Variants in ALS2CL observed in about 807,000 individuals in gnomAD.
ALS2CL encodes ALS2 C-terminal-like protein.
A neutral mutation model predicts 127.9 loss-of-function variants in ALS2CL; 112 were observed. The observed-to-expected ratio is 0.88, with a 90% CI of 0.75 to 1.02. The LOEUF (loss-of-function observed/expected upper bound fraction) is 1.02. Among genes scored for constraint, ALS2CL ranks in the 50% least tolerant of loss-of-function variants. The pLI is 0.00. For synonymous variants in ALS2CL, 519 were observed against 527.6 expected, an observed-to-expected ratio of 0.98 and a Z score of 0.22; for missense variants, 1,174 against 1,236.7, an observed-to-expected ratio of 0.95 and a Z score of 0.76.
chr3:46,679,326 TG>T lies in ALS2CL; in HGVS notation c.1549-40del, dbSNP rs1699133904. 2.6e-6 allele frequency: 4 copies of T among 1,510,810 alleles called. No individual in the cohort carries two copies. In the Admixed American group the frequency reaches 7.8e-5, roughly 29 times the overall value. 93.6% of individuals were successfully genotyped at this position (1,510,810 alleles called of 1,614,324 possible). A position where few individuals can be genotyped will look rare whatever the true frequency, so the allele number is the denominator to read the frequency against. ...AGCCAGGGAGGGTAGAAAGGGTGGG[TG>T]AGGAAGGGCCAGGAAACTCAGGGTG... On this transcript the variant is annotated intron_variant, in intron 14 of 25. Coordinates refer to ENST00000318962, the MANE Select transcript of ALS2CL (RefSeq NM_147129.5).
chr3:46,686,934 T>C lies in ALS2CL; in HGVS notation c.534+49A>G, dbSNP rs1244236216. ...CTGAGCCCCCTGAGTCTGGGCCCTA[T>C]CCCTCCCTTCCCTCGGCTTCCCCAC... On this transcript the variant is annotated intron_variant, in intron 5 of 25. Coordinates refer to ENST00000318962, the MANE Select transcript of ALS2CL (RefSeq NM_147129.5). The surrounding 1 kb of genome is among the most constrained non-coding windows in gnomAD (Gnocchi z 4.3). The C allele has an allele frequency of 6.6e-7, 1 of 1,514,894 alleles. No homozygotes were observed. The highest frequency in any genetic ancestry group is 2.4e-5 in the East Asian group (1 of 42,404). The allele number at this position is 1,514,894 out of a possible 1,614,324, so 93.8% of individuals were successfully genotyped here. A position where few individuals can be genotyped will look rare whatever the true frequency, so the allele number is the denominator to read the frequency against.
chr3:46,685,584 C>G lies in ALS2CL; in HGVS notation c.727G>C (p.Val243Leu). 1 of 1,614,028 alleles carries G rather than the reference C, an allele frequency of 6.2e-7. No homozygotes were observed. The highest frequency in any genetic ancestry group is 8.5e-7 in the Non-Finnish European group (1 of 1,179,962). The change falls in exon 7 of 26, where the codon GTC (valine) becomes CTC (leucine). Residue 243 changes from valine (V) to leucine (L), a missense_variant. By Grantham distance (32) the Val-to-Leu change is conservative (BLOSUM62 1). Transcript: ENST00000318962. ...ACACGCTCAGCCCGCAACGGTGCGA[C>G]CGTCACGGGTACGTCCTGGCTGTCC... ...LQDSQDVPVTVAPLRAERVLL... is the reference protein window; with the variant it reads ...LQDSQDVPVTLAPLRAERVLL...
intron 6 of ALS2CL, 130 bp from the exon 7 acceptor site, chr3:46,685,774 T>A (rs1699719384): frequency 1.4e-5 from 18 of 1,317,214 alleles, no homozygotes; most frequent in Non-Finnish European, 1.8e-5. Context: ...GAGCGGACCC[T>A]GGGTCAGAGA....
In ALS2CL at chr3:46,686,302, A is replaced by G. The variant is rs752703992; in HGVS notation, c.666+6T>C. On this transcript the variant is annotated splice_donor_region_variant and intron_variant, in intron 6 of 25. Coordinates refer to ENST00000318962, the MANE Select transcript of ALS2CL (RefSeq NM_147129.5). The surrounding 1 kb of genome is among the most constrained non-coding windows in gnomAD (Gnocchi z 4.3). ...TCCCTAACTGCCCCTCAGGCCCCCA[A>G]CTCACCCTCAGCCGGCCTCTCAGGG... The G allele has an allele frequency of 5.0e-6, 8 of 1,604,194 alleles. No homozygotes were observed. In the East Asian group the frequency reaches 1.8e-4, roughly 36 times the overall value.
intron 22 of ALS2CL, 37 bp from the exon 23 acceptor site, chr3:46,672,238 G>C (rs1466329568): frequency 1.2e-6 from 2 of 1,610,580 alleles, no homozygotes; most frequent in East Asian, 2.2e-5. Context: ...TGAGGCCATG[G>C]CCCCCCAGCT....
chr3:46,676,656 G>A lies in ALS2CL; in HGVS notation c.2014C>T (p.Leu672=). ...AGGGCTCTCACCTTCCTGAGGTACA[G>A]CTGCAGGGCCTTGGGCTCCCGGTGC... ...LQHREPKALQ[L]YLRKALSNSL... The change falls in exon 18 of 26, where the codon CTG becomes TTG. Residue 672 remains leucine (L), a synonymous_variant. Coordinates refer to ENST00000318962, the MANE Select transcript of ALS2CL (RefSeq NM_147129.5). The A allele has an allele frequency of 1.9e-6, 3 of 1,613,442 alleles. No homozygotes were observed. Among genetic ancestry groups the A allele is most frequent in the Non-Finnish European group, 2.5e-6 (3 of 1,179,926 alleles).
Position 46,674,943 on chromosome 3 carries a change from T to C in ALS2CL, c.2256-204A>G, listed in dbSNP as rs74600927. ...ATAACTTCATTCCCTCCTTTGACTT[T>C]GACAACCAAGATGGCAGGTGGGGCA... On this transcript the variant is annotated intron_variant, in intron 20 of 25. Coordinates refer to ENST00000318962, the MANE Select transcript of ALS2CL (RefSeq NM_147129.5). 1.4e-3 allele frequency: 673 copies of C among 483,098 alleles called. 4 individuals carry two copies. Among genetic ancestry groups the C allele is most frequent in the African/African-American group, 0.012 (622 of 50,732 alleles). The allele number at this position is 483,098 out of a possible 1,614,324, so 29.9% of individuals were successfully genotyped here.
In ALS2CL at chr3:46,678,837, G is replaced by A. The variant is rs141285481; in HGVS notation, c.1626+373C>T. Among the ~76,000 whole-genome samples the A allele has an allele frequency of 6.2e-4, 95 of 152,326 alleles. 1 individual carries two copies. Among genetic ancestry groups the A allele is most frequent in the Middle Eastern group, 6.8e-3 (2 of 294 alleles). On this transcript the variant is annotated intron_variant, in intron 15 of 25. Coordinates refer to ENST00000318962, the MANE Select transcript of ALS2CL (RefSeq NM_147129.5). ...CCCCTACATTTCCAAAGGCTCCAGC[G>A]GGGACACATTGCCTTTTCCTGGGTT...
At position 46,676,878 on chromosome 3, in the gene ALS2CL, A is replaced by C. The variant is rs1012869385; in HGVS notation, c.1902T>G (p.Arg634=). 2.5e-6 allele frequency: 4 copies of C among 1,613,150 alleles called. No individual in the cohort carries two copies. The highest frequency in any genetic ancestry group is 2.7e-5 in the African/African-American group (2 of 74,722). The change falls in exon 17 of 26, where the codon CGT becomes CGG. Residue 634 remains arginine (R), a synonymous_variant. Coordinates refer to ENST00000318962, the MANE Select transcript of ALS2CL (RefSeq NM_147129.5). ...CGCAGGACAGGTAATCCTGAGACCT[A>C]CGCAGCTCCCTGGAGCTCTGCACGT... ...GFDVQSSREL[R]RSQDYLSCER... is the part of the protein sequence containing the mutation.
intron 1 of ALS2CL, among the ~76,000 whole-genome samples, chr3:46,692,399 G>GGGAAGT (rs1700213504): frequency 3.3e-5 from 5 of 152,040 alleles, no homozygotes; most frequent in Non-Finnish European, 5.9e-5. Flanking sequence ...CCAGTCAAGG[G>GGGAAGT]CATAGCTTCC....
chr3:46,680,445 C>G lies in ALS2CL; in HGVS notation c.1533G>C (p.Gln511His). 1 of 1,613,430 alleles carries G rather than the reference C, an allele frequency of 6.2e-7. No homozygotes were observed. The highest frequency in any genetic ancestry group is 8.5e-7 in the Non-Finnish European group (1 of 1,180,006). ...CTCCACTCACCACCGTCTTGTCCGC[C>G]TGGAAGGTGCCCTGGTAGCAGACAC... ...QAGVCYQGTFQADKTVGPGIL... is the reference protein window; with the variant it reads ...QAGVCYQGTFHADKTVGPGIL... The change falls in exon 14 of 26, where the codon CAG (glutamine) becomes CAC (histidine). Residue 511 changes from glutamine (Q) to histidine (H), a missense_variant. Gln to His is a conservative substitution (Grantham distance 24, BLOSUM62 0). Transcript: ENST00000318962.
At chr3:46,680,947 T>C in intron 13 of ALS2CL, 1 of 563,090 alleles carries the variant, frequency 1.8e-6, no homozygotes, top group Non-Finnish European at 3.2e-6. Flanking sequence ...ATCCAGGGCT[T>C]TATCACACAG....
rs760729534 is a variant in ALS2CL at position 46,676,259 on chromosome 3, G to A, written c.2172C>T (p.Leu724=). The change falls in exon 19 of 26, where the codon CTC becomes CTT. Residue 724 remains leucine, a synonymous_variant. Coordinates refer to ENST00000318962, the MANE Select transcript of ALS2CL (RefSeq NM_147129.5). ...ACCGAGCCCACCTGTAGGCAGCCCA[G>A]AGTTCCTGGGCATGCTGCTTCACCT... The part of the protein sequence containing the change: ...QEEVKQHAQE[L]WAAYRGLLRV... 1 of 1,613,328 alleles carries A rather than the reference G, an allele frequency of 6.2e-7. No individual in the cohort carries two copies. Among genetic ancestry groups the A allele is most frequent in the South Asian group, 1.1e-5 (1 of 91,056 alleles).
At chr3:46,680,272 T>C (rs557673625) in intron 14 of ALS2CL, 158 bp downstream of exon 14, 2 of 708,060 alleles carry the variant, frequency 2.8e-6, no homozygotes, top group Admixed American at 2.6e-5. Flanking sequence ...GGGAGGTGGG[T>C]GGTAGAGCTG....
chr3:46,690,012 C>T (rs570741016), intron 1 of ALS2CL, among the ~76,000 whole-genome samples: 114 of 152,198 alleles, frequency 7.5e-4, no homozygotes, highest in African/African-American at 2.5e-3. Context: ...GCTAGAGCCA[C>T]GAATGATGGG....
chr3:46,673,384 G>A lies in ALS2CL; in HGVS notation c.2430-3C>T. On this transcript the variant is annotated splice_region_variant and splice_polypyrimidine_tract_variant and intron_variant, in intron 21 of 25. Coordinates refer to ENST00000318962, the MANE Select transcript of ALS2CL (RefSeq NM_147129.5). ...GGTCCTTGAGGGGCCACAAGTGCCT[G>A]AAATTGAAAAAGTGAGACAGGAGGC... 1 of 1,561,840 alleles carries A rather than the reference G, an allele frequency of 6.4e-7. No individual in the cohort carries two copies.
At chr3:46,682,235 G>A (rs1028328483) in intron 10 of ALS2CL, 141 bp from the exon 11 acceptor site, 18 of 888,294 alleles carry the variant, frequency 2.0e-5, no homozygotes, top group Non-Finnish European at 2.7e-5. Flanking sequence ...TCTGAGCTCC[G>A]AACATTCCTT....
In ALS2CL at chr3:46,674,682, C is replaced by G; in HGVS notation, c.2313G>C (p.Glu771Asp). Residue 771 changes from glutamate (E) to aspartate (D), a missense_variant, in exon 21 of 26, where the codon GAG becomes GAC. Transcript: ENST00000318962. ...GAAGCAGCAGGTAGAGCGTGAAGAG[C>G]TCTGAGTAGAAGCTGGGCAGCATGA... is the stretch of plus-strand genomic sequence containing the variant. ...LPLMLPSFYS[E>D]LFTLYLLLHE... 1 of 1,614,088 alleles carries G rather than the reference C, an allele frequency of 6.2e-7. No homozygotes were observed. Among genetic ancestry groups the G allele is most frequent in the Non-Finnish European group, 8.5e-7 (1 of 1,179,998 alleles).
intron 19 of ALS2CL, chr3:46,675,918 T>A: frequency 3.5e-6 from 5 of 1,430,186 alleles, no homozygotes; most frequent in Non-Finnish European, 4.6e-6. Context: ...CAGTGTTTCA[T>A]GGGGTCACAG....
Sources: gnomAD v4.1 joint callset for allele counts (sites outside exome capture counted in the v4.1 genomes callset) on GRCh38, gnomAD v4.1.1 for gene constraint, Gnocchi (gnomAD v3.1) non-coding constraint, MANE v1.5 for transcripts, NCBI Gene and HGNC (gene_info 2026-07-23, HGNC 2026-07-21) for gene names.